LRBA: variants seen among roughly 807,000 people sequenced by gnomAD.
The protein encoded by LRBA is lipopolysaccharide-responsive and beige-like anchor protein.
A neutral mutation model predicts 330.0 loss-of-function variants in LRBA; 176 were observed. That is an observed-to-expected ratio of 0.53 (90% CI 0.47 to 0.60). The LOEUF is 0.60. Ranked by LOEUF, LRBA falls within the 20% of genes least tolerant of loss-of-function variation. The pLI, the probability that LRBA is intolerant of heterozygous loss-of-function variation, is 0.00. For synonymous variants in LRBA, 1,230 were observed against 1,193.0 expected, an observed-to-expected ratio of 1.03 and a Z score of -0.64; for missense variants, 3,259 against 3,444.8, an observed-to-expected ratio of 0.95 and a Z score of 1.35.
chr4:150,976,385 A>C (rs914164347), intron 2 of LRBA, among the ~76,000 whole-genome samples: 2 of 152,228 alleles, frequency 1.3e-5, no homozygotes, highest in African/African-American at 4.8e-5. Flanking sequence ...GCACAAAAGA[A>C]GTAATTCATC....
chr4:150,411,946 C>T (rs1412560194), intron 47 of LRBA, among the ~76,000 whole-genome samples: 1 of 151,864 alleles, frequency 6.6e-6, no homozygotes, highest in Admixed American at 6.6e-5. Flanking sequence ...ACATAAGATA[C>T]AATACTAACA....
rs75352510 is a variant in LRBA, at chr4:150,739,966, T to C, written c.5646-4600A>G. Among the ~76,000 whole-genome samples the C allele has an allele frequency of 1.8e-3, 269 of 152,304 alleles. 10 individuals are homozygous for C. In the East Asian group the frequency reaches 0.038, roughly 21 times the overall value. On this transcript the variant is annotated intron_variant, in intron 35 of 56. Coordinates refer to ENST00000651943, the MANE Select transcript of LRBA (RefSeq NM_001364905.1). ...AGGCCCAGCTAAGCCATGCCTAGGA[T>C]TCCTGACCAAGAAAAATTGAGATAA...
At chr4:150,491,999 T>G (rs1255674865) in intron 40 of LRBA, among the ~76,000 whole-genome samples, 1 of 151,958 alleles carries the variant, frequency 6.6e-6, no homozygotes, top group African/African-American at 2.4e-5. Context: ...AAATTACAAA[T>G]GAAACATTTG....
chr4:150,989,862 G>T (rs1280339388), intron 2 of LRBA, among the ~76,000 whole-genome samples: 2 of 152,044 alleles, frequency 1.3e-5, no homozygotes, highest in Admixed American at 6.5e-5. Context: ...GGTGGCTCAT[G>T]CCTGTAATCA....
chr4:150,912,418 C>A (rs1224402569), intron 9 of LRBA, among the ~76,000 whole-genome samples: 1 of 152,214 alleles, frequency 6.6e-6, no homozygotes, highest in Admixed American at 6.5e-5. Flanking sequence ...ACCTGATAAT[C>A]TGTCACTGTC....
chr4:150,897,659 A>T (rs1730240910), intron 15 of LRBA, 80 bp downstream of exon 15: 8 of 1,001,122 alleles, frequency 8.0e-6, no homozygotes, highest in Non-Finnish European at 1.2e-5. Flanking sequence ...AGCAAAGAAT[A>T]AAAAAACCAA....
chr4:150,685,414 ATATATATTTTTTTTTTTTT>A (rs1783498389), intron 36 of LRBA, among the ~76,000 whole-genome samples: 1 of 19,400 alleles, frequency 5.2e-5, no homozygotes, highest in African/African-American at 1.9e-4. Context: ...ATATATATAT[ATATATATTTTTTTTTTTTT>A]TTTTTTTTTT....
chr4:150,883,585 T>C (rs1418509893), intron 17 of LRBA, among the ~76,000 whole-genome samples: 2 of 152,208 alleles, frequency 1.3e-5, no homozygotes, highest in East Asian at 3.8e-4. Flanking sequence ...ATCTCTCTTT[T>C]TAAATCATCG....
At chr4:150,568,652 G>C (rs1203282099) in intron 40 of LRBA, among the ~76,000 whole-genome samples, 1 of 152,086 alleles carries the variant, frequency 6.6e-6, no homozygotes, top group East Asian at 1.9e-4. Context: ...TAAGTAGGTA[G>C]ACTGTTTTCT....
At chr4:150,319,753 C>G (rs1053367144) in intron 50 of LRBA, among the ~76,000 whole-genome samples, 2 of 152,082 alleles carry the variant, frequency 1.3e-5, no homozygotes, top group Admixed American at 6.6e-5. Context: ...AATTCTAATA[C>G]CAACTACAGA....
intron 17 of LRBA, among the ~76,000 whole-genome samples, chr4:150,873,437 A>C (rs1200842754): frequency 6.6e-6 from 1 of 152,072 alleles, no homozygotes; most frequent in African/African-American, 2.4e-5. Context: ...CTAAAAATAC[A>C]AAAATTAGCT....
At chr4:150,334,708 T>C (rs1004044636) in intron 48 of LRBA, among the ~76,000 whole-genome samples, 8 of 151,928 alleles carry the variant, frequency 5.3e-5, no homozygotes, top group Admixed American at 5.2e-4. Flanking sequence ...ACAAAGCATG[T>C]ATTATTTTTG....
intron 36 of LRBA, among the ~76,000 whole-genome samples, chr4:150,717,994 G>A (rs1728458466): frequency 6.6e-6 from 1 of 152,032 alleles, no homozygotes; most frequent in African/African-American, 2.4e-5. Flanking sequence ...AATTCTAAAA[G>A]ACAACCTTCT....
At position 150,512,636 on chromosome 4, in the gene LRBA, GAAATA is replaced by G. The variant is rs1461708518; in HGVS notation, c.6331-21606_6331-21602del. ...AGACTTTCAGCCTCCAGAACTGTGA[GAAATA>G]AATTTCTGTTGTTTATAAGCCACCC... On this transcript the variant is annotated intron_variant, in intron 40 of 56. Coordinates refer to ENST00000651943, the MANE Select transcript of LRBA (RefSeq NM_001364905.1). Among the ~76,000 whole-genome samples, 25 of 143,518 alleles carry G rather than the reference GAAATA, an allele frequency of 1.7e-4. No individual in the cohort carries two copies. The East Asian group carries it at 5.4e-3, about 31-fold the overall frequency. The allele number at this position is 143,518 out of a possible 152,430, so 94.2% of individuals were successfully genotyped here.
chr4:150,853,537 T>C (rs1750869418), intron 22 of LRBA, among the ~76,000 whole-genome samples: 1 of 152,132 alleles, frequency 6.6e-6, no homozygotes, highest in African/African-American at 2.4e-5. Flanking sequence ...TGGTCGAAAA[T>C]AGTCTGAATG....
intron 42 of LRBA, among the ~76,000 whole-genome samples, chr4:150,484,028 C>T (rs536587520): frequency 8.6e-5 from 13 of 152,004 alleles, no homozygotes; most frequent in Admixed American, 7.9e-4. Context: ...GTTGTTGTTG[C>T]TGTTTTTTTC....
At chr4:150,733,986 C>T (rs1730859372) in intron 36 of LRBA, among the ~76,000 whole-genome samples, 1 of 152,142 alleles carries the variant, frequency 6.6e-6, no homozygotes, top group African/African-American at 2.4e-5. Context: ...TTTATATTAG[C>T]TGTATCTTGC....
rs1040716986 is a variant in LRBA at position 150,665,683 on chromosome 4, T to C, written c.5921+17868A>G. 6.6e-5 allele frequency among the ~76,000 whole-genome samples: 10 copies of C among 152,230 alleles called. No individual in the cohort carries two copies. The East Asian group carries it at 1.2e-3, about 18-fold the overall frequency. On this transcript the variant is annotated intron_variant, in intron 37 of 56. Transcript: ENST00000651943. Reference sequence around the variant, plus strand: ...TTTTGAGTCTGGCTTCTTTCACTTATTGTAATGCACTTCAGATTCATCCAT... The same window carrying C: ...TTTTGAGTCTGGCTTCTTTCACTTACTGTAATGCACTTCAGATTCATCCAT...
intron 34 of LRBA, among the ~76,000 whole-genome samples, chr4:150,774,391 G>A (rs757202866): frequency 6.6e-6 from 1 of 151,832 alleles, no homozygotes; most frequent in African/African-American, 2.4e-5. Context: ...TGTCTTCTTC[G>A]CTCCCCAAGG....
Sources: gnomAD v4.1 joint callset for allele counts (sites outside exome capture counted in the v4.1 genomes callset) on GRCh38, gnomAD v4.1.1 for gene constraint, MANE v1.5 for transcripts, NCBI Gene and HGNC (gene_info 2026-07-23, HGNC 2026-07-21) for gene names.